Variants in LOXHD1 observed in about 807,000 individuals in gnomAD.
The protein encoded by LOXHD1 is lipoxygenase homology domain-containing protein 1.
Under a neutral mutation model 248.2 loss-of-function variants are expected in LOXHD1, and 205 were observed. That is an observed-to-expected ratio of 0.83 (90% CI 0.74 to 0.93). The LOEUF (loss-of-function observed/expected upper bound fraction) is 0.93, where lower values mean the gene tolerates loss of function less well. Ranked by LOEUF, LOXHD1 falls within the 40% of genes least tolerant of loss-of-function variation. The pLI is 0.00. For synonymous variants in LOXHD1, 1,113 were observed against 1,162.8 expected, an observed-to-expected ratio of 0.96 and a Z score of 0.87; for missense variants, 2,930 against 2,971.6, an observed-to-expected ratio of 0.99 and a Z score of 0.33.
At chr18:46,599,056 T>C (rs1282603272) in intron 8 of LOXHD1, among the ~76,000 whole-genome samples, 2 of 152,082 alleles carry the variant, frequency 1.3e-5, no homozygotes, top group African/African-American at 2.4e-5. Flanking sequence ...AACGTAAAAA[T>C]GAAGACAGTG....
chr18:46,497,703 C>T (rs1008133457), intron 37 of LOXHD1, among the ~76,000 whole-genome samples: 1 of 152,068 alleles, frequency 6.6e-6, no homozygotes, highest in African/African-American at 2.4e-5. Context: ...ATGTGATAGG[C>T]ATTAGGGAAA....
intron 16 of LOXHD1, among the ~76,000 whole-genome samples, chr18:46,568,806 C>T (rs1208678320): frequency 2.6e-5 from 4 of 152,214 alleles, no homozygotes; most frequent in African/African-American, 9.7e-5. Context: ...ACACTGGCCT[C>T]TTTTCCTGAT....
intron 20 of LOXHD1, chr18:46,557,791 C>A (rs989219111): frequency 6.8e-6 from 8 of 1,180,638 alleles, no homozygotes; most frequent in Admixed American, 6.0e-5. Context: ...GCTGGATGCC[C>A]ACATCTGTGG....
chr18:46,579,573 A>C (rs747152224), intron 13 of LOXHD1, 57 bp downstream of exon 13: 145 of 1,549,076 alleles, frequency 9.4e-5, no homozygotes, highest in Middle Eastern at 1.7e-4. Context: ...AAGACGAGGG[A>C]ACATGGGAAG....
intron 1 of LOXHD1, among the ~76,000 whole-genome samples, chr18:46,654,698 C>G (rs889153792): frequency 2.4e-4 from 37 of 152,176 alleles, no homozygotes; most frequent in African/African-American, 8.7e-4. Context: ...GCCCAGAGTT[C>G]AAAGGAAGTG....
At chr18:46,556,912 C>T (rs1241319339) in intron 21 of LOXHD1, 6 of 316,212 alleles carry the variant, frequency 1.9e-5, no homozygotes, top group Admixed American at 4.7e-5. Flanking sequence ...CCCACCCTCA[C>T]CCTCCAATGT....
At chr18:46,619,453 G>A (rs1389412610) in intron 4 of LOXHD1, among the ~76,000 whole-genome samples, 2 of 152,114 alleles carry the variant, frequency 1.3e-5, no homozygotes, top group African/African-American at 4.8e-5. Context: ...GCCATTTCCT[G>A]CAAGTAAGGC....
At chr18:46,496,736 C>T (rs927826053) in intron 37 of LOXHD1, among the ~76,000 whole-genome samples, 4 of 152,208 alleles carry the variant, frequency 2.6e-5, no homozygotes, top group African/African-American at 7.2e-5. Flanking sequence ...GTCACAGTGG[C>T]TTATGCCTGT....
chr18:46,646,700 C>T (rs1380890803), intron 2 of LOXHD1, among the ~76,000 whole-genome samples: 1 of 152,208 alleles, frequency 6.6e-6, no homozygotes, highest in Non-Finnish European at 1.5e-5. Flanking sequence ...TGCCTCCAGA[C>T]TTTGGCAATC....
chr18:46,649,572 C>A (rs1275781417), intron 1 of LOXHD1, among the ~76,000 whole-genome samples: 1 of 152,186 alleles, frequency 6.6e-6, no homozygotes, highest in Non-Finnish European at 1.5e-5. Flanking sequence ...ATTCTGTAAT[C>A]TTTCCAGCAC....
chr18:46,609,507 A>G (rs1286520511), intron 6 of LOXHD1, among the ~76,000 whole-genome samples: 1 of 152,252 alleles, frequency 6.6e-6, no homozygotes, highest in Admixed American at 6.5e-5. Flanking sequence ...ATTTTAAGCA[A>G]TAAGACCTTT....
At chr18:46,614,580 G>A (rs1308619924) in intron 5 of LOXHD1, among the ~76,000 whole-genome samples, 1 of 152,158 alleles carries the variant, frequency 6.6e-6, no homozygotes, top group Non-Finnish European at 1.5e-5. Flanking sequence ...GGGATGTTGG[G>A]AGTGGGGAGG....
intron 35 of LOXHD1, among the ~76,000 whole-genome samples, chr18:46,508,888 G>A (rs915519493): frequency 7.2e-5 from 11 of 152,092 alleles, no homozygotes; most frequent in South Asian, 4.2e-4. Flanking sequence ...GCCCTATGCC[G>A]TGGACGCTCT....
At chr18:46,629,485 G>A (rs2038790479) in intron 4 of LOXHD1, among the ~76,000 whole-genome samples, 2 of 152,020 alleles carry the variant, frequency 1.3e-5, no homozygotes, top group South Asian at 4.2e-4. Context: ...TCCTTTGCAG[G>A]GCGGTACAAT....
intron 4 of LOXHD1, among the ~76,000 whole-genome samples, chr18:46,628,784 G>A (rs554878819): frequency 7.9e-5 from 12 of 152,260 alleles, no homozygotes; most frequent in South Asian, 2.1e-4. Flanking sequence ...TCTGTGCCTC[G>A]GCACTAAGTC....
intron 19 of LOXHD1, 50 bp downstream of exon 19, chr18:46,560,033 G>A (rs1015068714): frequency 6.7e-7 from 1 of 1,503,560 alleles, no homozygotes; most frequent in South Asian, 1.3e-5. Context: ...CCCTTTAGGG[G>A]AACTGTCTGG....
intron 4 of LOXHD1, among the ~76,000 whole-genome samples, chr18:46,620,173 A>T (rs918337099): frequency 6.6e-6 from 1 of 152,146 alleles, no homozygotes; most frequent in Non-Finnish European, 1.5e-5. Context: ...ACCATCTTCC[A>T]TATTCCAGAG....
intron 38 of LOXHD1, among the ~76,000 whole-genome samples, chr18:46,485,477 G>C (rs2032979306): frequency 1.3e-5 from 2 of 152,070 alleles, no homozygotes; most frequent in South Asian, 4.2e-4. Context: ...GCTGAGAAGG[G>C]ACAAGAAGTG....
intron 6 of LOXHD1, among the ~76,000 whole-genome samples, chr18:46,607,402 C>T (rs658951): frequency 0.3 from 44,395 of 148,270 alleles, 8,148 homozygotes; most frequent in East Asian, 0.42. Flanking sequence ...CGTATATGTA[C>T]ATATATACAT....
Sources: gnomAD v4.1 joint callset for allele counts (sites outside exome capture counted in the v4.1 genomes callset) on GRCh38, gnomAD v4.1.1 for gene constraint, MANE v1.5 for transcripts, NCBI Gene and HGNC (gene_info 2026-07-23, HGNC 2026-07-21) for gene names.